The following MALT1 variants were observed in gnomAD, a reference collection of about 807,000 sequenced individuals.
MALT1 encodes the protein mucosa-associated lymphoid tissue lymphoma translocation protein 1.
MALT1 carries 36 observed loss-of-function variants against 85.5 expected under a neutral mutation model. The observed-to-expected ratio is 0.42, with a 90% CI of 0.32 to 0.56. MALT1 has a LOEUF of 0.56. Among genes scored for constraint, MALT1 ranks in the 20% least tolerant of loss-of-function variants. The pLI, the probability that MALT1 is intolerant of heterozygous loss-of-function variation, is 0.10. For synonymous variants in MALT1, 359 were observed against 361.3 expected, an observed-to-expected ratio of 0.99 and a Z score of 0.07; for missense variants, 716 against 981.6, an observed-to-expected ratio of 0.73 and a Z score of 3.62.
chr18:58,692,890 T>C (rs1389106402), intron 2 of MALT1, among the ~76,000 whole-genome samples: 1 of 152,106 alleles, frequency 6.6e-6, no homozygotes, highest in Non-Finnish European at 1.5e-5. Context: ...TGGAGAAAGT[T>C]ATAGTAGTCT....
chr18:58,696,336 AATT>A, intron 2 of MALT1, 27 bp from the exon 3 acceptor site: 4 of 1,166,870 alleles, frequency 3.4e-6, no homozygotes, highest in South Asian at 2.2e-5. Flanking sequence ...TTGTGACTTT[AATT>A]TTTTTTTTTT....
chr18:58,720,507 T>C (rs1323603705), intron 9 of MALT1, among the ~76,000 whole-genome samples: 2 of 152,206 alleles, frequency 1.3e-5, no homozygotes, highest in Admixed American at 6.5e-5. Flanking sequence ...TATTAAAAAT[T>C]ATCATTGGAG....
chr18:58,692,813 G>A (rs1277589779), intron 2 of MALT1, among the ~76,000 whole-genome samples: 1 of 152,160 alleles, frequency 6.6e-6, no homozygotes, highest in Non-Finnish European at 1.5e-5. Flanking sequence ...GTTCTTGAAG[G>A]TAATTAAAAA....
chr18:58,711,135 A>C lies in MALT1; in HGVS notation c.958+182A>C, dbSNP rs564438426. The stretch of plus-strand genomic sequence containing the variant: ...TTTATAAATGGACAGACATGATTAA[A>C]TTGACACAGTATTACAATAACTAAT... On this transcript the variant is annotated intron_variant, in intron 7 of 16. Transcript: ENST00000649217. Among the ~76,000 whole-genome samples, 3 of 152,380 alleles carry C rather than the reference A, an allele frequency of 2.0e-5. No individual in the cohort carries two copies. In the South Asian group the frequency reaches 6.2e-4, roughly 32 times the overall value.
At chr18:58,674,106 G>A (rs573255338) in intron 1 of MALT1, 1 of 152,138 alleles carries the variant, frequency 6.6e-6, no homozygotes, top group East Asian at 1.9e-4. Context: ...AAGAAAGCCA[G>A]GTATGGAGGA....
chr18:58,704,904 G>C (rs1278526488), intron 4 of MALT1, among the ~76,000 whole-genome samples: 1 of 152,048 alleles, frequency 6.6e-6, no homozygotes, highest in Admixed American at 6.6e-5. Context: ...AAGGTGTTTA[G>C]TCCATTTACA....
At position 58,733,529 on chromosome 18, in the gene MALT1, A is replaced by G. The variant is rs1490933364; in HGVS notation, c.1355A>G (p.Lys452Arg). Residue 452 changes from lysine (K) to arginine (R), a missense_variant, in exon 11 of 17, where the codon AAA (lysine) becomes AGA (arginine). Lys to Arg is a conservative substitution (Grantham distance 26). Transcript: ENST00000649217. Reference sequence around the variant, plus strand: ...AATATACTGAAATTGATGCAAGAAAAAGAAACTGGACTTAATGTGTTCTTA... The same window carrying G: ...AATATACTGAAATTGATGCAAGAAAGAGAAACTGGACTTAATGTGTTCTTA... ...VQNILKLMQE[K>R]ETGLNVFLLD... 6.2e-7 allele frequency: 1 copy of G among 1,611,678 alleles called. No individual in the cohort carries two copies. Among genetic ancestry groups the G allele is most frequent in the African/African-American group, 1.3e-5 (1 of 74,862 alleles).
rs2055307390 is a variant in MALT1, at chr18:58,741,963, G to A, written c.1702G>A (p.Glu568Lys). The A allele has an allele frequency of 1.3e-6, 2 of 1,560,132 alleles. No homozygotes were observed. The highest frequency in any genetic ancestry group is 1.8e-6 in the Non-Finnish European group (2 of 1,141,358). ...RALTDPIQGTEYSAESLVRNL... is the reference protein window; with the variant it reads ...RALTDPIQGTKYSAESLVRNL... ...ACTTACTGATCCAATACAGGGAACA[G>A]AATATTCTGCTGAATCTCTTGTGCG... The change falls in exon 14 of 17, where the codon GAA (glutamate) becomes AAA (lysine). Residue 568 changes from glutamate to lysine, a missense_variant. Around this residue, in one of 4 missense-constraint regions of MALT1, gnomAD observed 260 missense variants for 323.7 expected, o/e 0.80. Transcript: ENST00000649217.
intron 2 of MALT1, among the ~76,000 whole-genome samples, chr18:58,683,165 TAAAGTC>T (rs1313881772): frequency 6.6e-6 from 1 of 152,194 alleles, no homozygotes; most frequent in African/African-American, 2.4e-5. Context: ...TTCATACTGT[TAAAGTC>T]CAAGTTCTCA....
chr18:58,689,278 CAGAG>C (rs1002293049), intron 2 of MALT1, among the ~76,000 whole-genome samples: 5 of 149,558 alleles, frequency 3.3e-5, no homozygotes, highest in Admixed American at 3.3e-4. Flanking sequence ...AAAAAAGTCT[CAGAG>C]AGTTTAATTT....
At chr18:58,723,314 G>A in intron 10 of MALT1, 63 bp downstream of exon 10, 1 of 1,284,980 alleles carries the variant, frequency 7.8e-7, no homozygotes, top group Non-Finnish European at 1.1e-6. Flanking sequence ...TACAAGTTAG[G>A]TTAAGAATTG....
chr18:58,748,892 G>A lies in MALT1; in HGVS notation c.*1050G>A, dbSNP rs577023027. 85 of 207,908 alleles carry A rather than the reference G, an allele frequency of 4.1e-4. No individual in the cohort carries two copies. Among genetic ancestry groups the A allele is most frequent in the African/African-American group, 1.8e-3 (80 of 43,988 alleles). 12.9% of individuals were successfully genotyped at this position (207,908 alleles called of 1,614,324 possible). Reference sequence around the variant, plus strand: ...TTTTTGCACACTGTTTCTAAAAGTAGGAGAGGAAAGAACACTTCCCAACTT... The same window carrying A: ...TTTTTGCACACTGTTTCTAAAAGTAAGAGAGGAAAGAACACTTCCCAACTT... On this transcript the variant is annotated 3_prime_UTR_variant, in exon 17 of 17. Transcript: ENST00000649217.
intron 9 of MALT1, among the ~76,000 whole-genome samples, chr18:58,720,492 C>T (rs1419798385): frequency 6.6e-6 from 1 of 152,174 alleles, no homozygotes; most frequent in Non-Finnish European, 1.5e-5. Context: ...ATCTTAGGAA[C>T]TAGCTATTAA....
At chr18:58,688,694 C>T (rs1189414656) in intron 2 of MALT1, among the ~76,000 whole-genome samples, 13 of 152,104 alleles carry the variant, frequency 8.5e-5, no homozygotes, top group Non-Finnish European at 1.9e-4. Context: ...AAACCCTTTC[C>T]ATCCTTCTTG....
chr18:58,722,887 T>A (rs574111995), intron 9 of MALT1, among the ~76,000 whole-genome samples, 161 bp from the exon 10 acceptor site: 1 of 152,376 alleles, frequency 6.6e-6, no homozygotes, highest in South Asian at 2.1e-4. Flanking sequence ...AATATTGATC[T>A]GCTTACATAA....
chr18:58,719,630 G>A (rs2054956604), intron 9 of MALT1, among the ~76,000 whole-genome samples: 1 of 152,200 alleles, frequency 6.6e-6, no homozygotes, highest in African/African-American at 2.4e-5. Flanking sequence ...AGGTGGGGGT[G>A]ACTGTACTAC....
At position 58,696,363 on chromosome 18, in the gene MALT1, T is replaced by TTTTG; in HGVS notation, c.377-3_377-2insTTTG. 1 of 1,373,294 alleles carries TTTTG rather than the reference T, an allele frequency of 7.3e-7. No individual in the cohort carries two copies. Among genetic ancestry groups the TTTTG allele is most frequent in the Non-Finnish European group, 9.5e-7 (1 of 1,050,648 alleles). The allele number at this position is 1,373,294 out of a possible 1,614,324, so 85.1% of individuals were successfully genotyped here. A position where few individuals can be genotyped will look rare whatever the true frequency, so the allele number is the denominator to read the frequency against. On this transcript the variant is annotated splice_polypyrimidine_tract_variant and splice_region_variant and intron_variant, in intron 2 of 16. Coordinates refer to ENST00000649217, the MANE Select transcript of MALT1 (RefSeq NM_006785.4). ...TTTTTTTTTTTTTTTTTTTTTTTTTTAGGAATAAAGATTACTGTAAACCCA... is the reference window on the plus strand; with the variant it reads ...TTTTTTTTTTTTTTTTTTTTTTTTTTTTTGAGGAATAAAGATTACTGTAAACCCA...
At chr18:58,719,369 CCTT>C (rs1486695530) in intron 9 of MALT1, among the ~76,000 whole-genome samples, 2 of 152,078 alleles carry the variant, frequency 1.3e-5, no homozygotes, top group Non-Finnish European at 2.9e-5. Context: ...CTCTCCCTCT[CCTT>C]GTCTGTCTCT....
chr18:58,691,302 C>T (rs2054495300), intron 2 of MALT1: 3 of 701,544 alleles, frequency 4.3e-6, no homozygotes, highest in Non-Finnish European at 7.2e-6. Context: ...TTTGCAACCA[C>T]ATAGCCTTCA....
Sources: allele counts gnomAD v4.1 joint callset (sites outside exome capture counted in the v4.1 genomes callset), GRCh38; gene constraint gnomAD v4.1.1; regional missense constraint gnomAD v4.1.1; transcripts MANE v1.5; gene names NCBI Gene and HGNC (gene_info 2026-07-23, HGNC 2026-07-21).